Variants in CTNNA1 observed in about 807,000 individuals in gnomAD.
CTNNA1 encodes the protein catenin alpha-1.
Under a neutral mutation model 98.4 loss-of-function variants are expected in CTNNA1, and 37 were observed. The observed-to-expected ratio is 0.38, with a 90% CI of 0.29 to 0.49. The LOEUF (loss-of-function observed/expected upper bound fraction) is 0.49. Among genes scored for constraint, CTNNA1 ranks in the 20% least tolerant of loss-of-function variants. CTNNA1 has a pLI of 0.95. For synonymous variants in CTNNA1, 404 were observed against 413.2 expected (o/e 0.98, Z 0.27); for missense variants, 761 against 1,147.2 (o/e 0.66, Z 4.86).
intron 3 of CTNNA1, among the ~76,000 whole-genome samples, chr5:138,806,313 C>G (rs1400138793): frequency 3.3e-5 from 5 of 150,298 alleles, no homozygotes; most frequent in Admixed American, 2.0e-4. Context: ...ATTGCAGAAT[C>G]TTCCTCTCCT....
At chr5:138,767,328 G>A (rs916221680) in intron 1 of CTNNA1, among the ~76,000 whole-genome samples, 10 of 152,106 alleles carry the variant, frequency 6.6e-5, no homozygotes, top group Admixed American at 1.3e-4. Flanking sequence ...GAGCCACCGC[G>A]CCAGGCTGAA....
intron 5 of CTNNA1, among the ~76,000 whole-genome samples, chr5:138,817,063 G>A (rs1759508410): frequency 6.6e-6 from 1 of 152,156 alleles, no homozygotes; most frequent in South Asian, 2.1e-4. Context: ...TGAGTTGTTT[G>A]TATATTCTAG....
chr5:138,870,286 A>G (rs2149915976), intron 7 of CTNNA1: 1 of 152,384 alleles, frequency 6.6e-6, no homozygotes, highest in African/African-American at 2.4e-5. Context: ...TCTGAAACAC[A>G]AATGGACAAA....
chr5:138,830,993 T>C (rs1761226941), intron 7 of CTNNA1, among the ~76,000 whole-genome samples: 2 of 152,230 alleles, frequency 1.3e-5, no homozygotes, highest in African/African-American at 4.8e-5. Flanking sequence ...TGAAAAATAT[T>C]AGACAAATTA....
intron 1 of CTNNA1, among the ~76,000 whole-genome samples, chr5:138,781,288 C>T (rs944142962): frequency 2.6e-5 from 4 of 152,162 alleles, no homozygotes; most frequent in Non-Finnish European, 5.9e-5. Flanking sequence ...CGGTGGCTCA[C>T]GCCTATAATC....
chr5:138,893,697 C>G (rs776937677), intron 9 of CTNNA1, among the ~76,000 whole-genome samples: 10 of 151,968 alleles, frequency 6.6e-5, no homozygotes, highest in Non-Finnish European at 1.2e-4. Flanking sequence ...AATCTCGGCT[C>G]ACTGCAACCT....
intron 1 of CTNNA1, among the ~76,000 whole-genome samples, chr5:138,764,575 G>A (rs538776396): frequency 9.9e-5 from 15 of 151,698 alleles, no homozygotes; most frequent in African/African-American, 3.4e-4. Context: ...GGGTTGAAGC[G>A]ATTCTCCTGC....
chr5:138,824,606 A>C lies in CTNNA1; in HGVS notation c.665A>C (p.Tyr222Ser), dbSNP rs755524897. Reference protein sequence around the residue: ...GILQKNVPILYTASQACLQHP... With the variant: ...GILQKNVPILSTASQACLQHP... ...CTGCAGAAGAACGTTCCGATCCTCT[A>C]TACTGCATCCCAGGCATGCCTACAG... Residue 222 changes from tyrosine to serine, a missense_variant, in exon 6 of 18, where the codon TAT becomes TCT. By Grantham distance (144) the Tyr-to-Ser change is moderately radical. Transcript: ENST00000302763. 3 of 1,614,244 alleles carry C rather than the reference A, an allele frequency of 1.9e-6. No homozygotes were observed. Among genetic ancestry groups the C allele is most frequent in the South Asian group, 1.1e-5 (1 of 91,086 alleles).
intron 10 of CTNNA1, among the ~76,000 whole-genome samples, chr5:138,910,298 G>A (rs1290335689): frequency 7.1e-6 from 1 of 140,282 alleles, no homozygotes; most frequent in Non-Finnish European, 1.5e-5. Flanking sequence ...GTATGTTTGG[G>A]AGAATTTACC....
At chr5:138,845,913 G>GT (rs999952932) in intron 7 of CTNNA1, among the ~76,000 whole-genome samples, 34 of 95,824 alleles carry the variant, frequency 3.5e-4, no homozygotes, top group African/African-American at 9.3e-4. Flanking sequence ...AAGGGTACAG[G>GT]TTTTTTTTGT....
chr5:138,920,570 A>G (rs1326524811), intron 11 of CTNNA1, among the ~76,000 whole-genome samples: 1 of 152,222 alleles, frequency 6.6e-6, no homozygotes, highest in Admixed American at 6.5e-5. Context: ...CTTTTACTAA[A>G]TGAACAGCAG....
chr5:138,887,715 A>T, intron 9 of CTNNA1, 73 bp downstream of exon 9: 1 of 1,310,022 alleles, frequency 7.6e-7, no homozygotes, highest in Non-Finnish European at 1.1e-6. Flanking sequence ...CACATTATTT[A>T]ATCAGTTAAA....
intron 3 of CTNNA1, among the ~76,000 whole-genome samples, chr5:138,794,081 A>G (rs1311912875): frequency 6.7e-6 from 1 of 148,570 alleles, no homozygotes; most frequent in East Asian, 2.0e-4. Context: ...GCAGTGGTGC[A>G]ATCTCGGCTC....
chr5:138,874,223 T>A lies in CTNNA1; in HGVS notation c.1063-11989T>A. 2 of 1,613,818 alleles carry A rather than the reference T, an allele frequency of 1.2e-6. No individual in the cohort carries two copies. Among genetic ancestry groups the A allele is most frequent in the Non-Finnish European group, 1.7e-6 (2 of 1,179,718 alleles). ...TATTTTGTTGGAACTTAAGATTAAT[T>A]CCTTAAGTTTATATAGTCCTTGAAA... On this transcript the variant is annotated intron_variant, in intron 7 of 17. Transcript: ENST00000302763. The surrounding 1 kb of genome is among the most constrained non-coding windows in gnomAD (Gnocchi z 4.1).
chr5:138,878,152 G>A (rs1339251535), intron 7 of CTNNA1, among the ~76,000 whole-genome samples: 2 of 152,184 alleles, frequency 1.3e-5, no homozygotes, highest in Non-Finnish European at 2.9e-5. Flanking sequence ...CTCTGAGGAA[G>A]TGGGCACTAA....
Position 138,783,255 on chromosome 5 carries a change from G to T in CTNNA1, c.184G>T (p.Ala62Ser), listed in dbSNP as rs1252911927. 1 of 1,614,158 alleles carries T rather than the reference G, an allele frequency of 6.2e-7. No homozygotes were observed. The highest frequency in any genetic ancestry group is 8.5e-7 in the Non-Finnish European group (1 of 1,179,992). The change falls in exon 3 of 18, where the codon GCT becomes TCT. Residue 62 changes from alanine (A) to serine (S), a missense_variant. By Grantham distance (99) the Ala-to-Ser change is moderately conservative. Transcript: ENST00000302763. ...RGRSKKAHVL[A>S]ASVEQATENF... is the part of the protein sequence containing the mutation. The stretch of plus-strand genomic sequence containing the variant: ...TCGTTCTAAGAAGGCCCATGTTTTG[G>T]CTGCATCTGTTGAACAAGCAACTGA...
At chr5:138,783,982 T>C (rs1310675798) in intron 3 of CTNNA1, among the ~76,000 whole-genome samples, 2 of 152,252 alleles carry the variant, frequency 1.3e-5, no homozygotes, top group African/African-American at 2.4e-5. Flanking sequence ...CACAGTTTAC[T>C]AATAATTAAT....
chr5:138,913,618 A>G (rs185496465), intron 10 of CTNNA1, among the ~76,000 whole-genome samples: 92 of 151,610 alleles, frequency 6.1e-4, no homozygotes, highest in Non-Finnish European at 1.1e-3. Flanking sequence ...ATGTACTTCA[A>G]TTTTCTGTGT....
chr5:138,924,759 G>A, intron 12 of CTNNA1, 49 bp downstream of exon 12: 2 of 1,490,892 alleles, frequency 1.3e-6, no homozygotes, highest in South Asian at 2.4e-5. Context: ...CAGCCTCAGT[G>A]AGGCAGGCCA....
Sources: allele counts gnomAD v4.1 joint callset (sites outside exome capture counted in the v4.1 genomes callset), GRCh38; gene constraint gnomAD v4.1.1; non-coding constraint Gnocchi (gnomAD v3.1); transcripts MANE v1.5; gene names NCBI Gene and HGNC (gene_info 2026-07-23, HGNC 2026-07-21).